The following RNGTT variants were observed in gnomAD, a reference collection of about 807,000 sequenced individuals.
The protein encoded by RNGTT is RNA guanylyltransferase and 5'-phosphatase.
Under a neutral mutation model 79.3 loss-of-function variants are expected in RNGTT, and 33 were observed. That is an observed-to-expected ratio of 0.42 (90% CI 0.32 to 0.56). RNGTT has a LOEUF of 0.56. Among genes scored for constraint, RNGTT ranks in the 20% least tolerant of loss-of-function variants. The pLI is 0.17. For missense variants in RNGTT, 497 were observed against 739.1 expected (o/e 0.67, Z 3.80); for synonymous variants, 222 against 235.9 (o/e 0.94, Z 0.54).
intron 13 of RNGTT, among the ~76,000 whole-genome samples, chr6:88,711,785 T>C (rs1030797218): frequency 1.3e-5 from 2 of 152,206 alleles, no homozygotes; most frequent in African/African-American, 4.8e-5. Flanking sequence ...CATTTGTTAG[T>C]TCACTCATTC....
In RNGTT at chr6:88,929,268, C is replaced by CAA; in HGVS notation, c.175-2_175-1insTT. On this transcript the variant is annotated splice_acceptor_variant, in intron 2 of 15. Coordinates refer to ENST00000369485, the MANE Select transcript of RNGTT (RefSeq NM_003800.5). LOFTEE classifies it high-confidence loss of function. ...GGTCCACCAACAAGCCCATTTTAAC[C>CAA]TAAAAAAAAAAAAAAATGAAAGGGC... is the stretch of plus-strand genomic sequence containing the variant. 1 of 1,539,416 alleles carries CAA rather than the reference C, an allele frequency of 6.5e-7. No homozygotes were observed. Among genetic ancestry groups the CAA allele is most frequent in the Non-Finnish European group, 8.8e-7 (1 of 1,139,780 alleles).
chr6:88,835,874 C>A (rs1781048497), intron 11 of RNGTT, among the ~76,000 whole-genome samples: 1 of 151,468 alleles, frequency 6.6e-6, no homozygotes, highest in South Asian at 2.1e-4. Context: ...GTGGTATACG[C>A]CTGCAGCTCA....
chr6:88,774,893 T>C (rs919493854), intron 12 of RNGTT, among the ~76,000 whole-genome samples: 29 of 152,284 alleles, frequency 1.9e-4, no homozygotes, highest in African/African-American at 4.8e-4. Context: ...AAATAGACAG[T>C]GGAGGTGGTT....
chr6:88,827,159 C>T (rs369065875), intron 11 of RNGTT, among the ~76,000 whole-genome samples: 59 of 151,944 alleles, frequency 3.9e-4, no homozygotes, highest in African/African-American at 1.3e-3. Flanking sequence ...ATGCAGAAGG[C>T]GGTGATTTCT....
In RNGTT at chr6:88,686,568, A is replaced by G. The variant is rs1775285768; in HGVS notation, c.1440-8149T>C. ...CAATAATGAAAATGTGATTGACGTA[A>G]GGACAAACAAGTACGTCAGTAGAAT... On this transcript the variant is annotated intron_variant, in intron 13 of 15. Coordinates refer to ENST00000369485, the MANE Select transcript of RNGTT (RefSeq NM_003800.5). Among the ~76,000 whole-genome samples, 3 of 152,130 alleles carry G rather than the reference A, an allele frequency of 2.0e-5. No homozygotes were observed. The South Asian group carries it at 6.2e-4, about 31-fold the overall frequency.
intron 2 of RNGTT, among the ~76,000 whole-genome samples, chr6:88,929,986 A>G (rs1186421541): frequency 2.1e-5 from 3 of 145,280 alleles, no homozygotes; most frequent in Non-Finnish European, 4.6e-5. Flanking sequence ...ATATGTGCAT[A>G]TACATGTATA....
intron 1 of RNGTT, among the ~76,000 whole-genome samples, chr6:88,948,492 G>T (rs1785108807): frequency 6.9e-6 from 1 of 144,470 alleles, no homozygotes; most frequent in Non-Finnish European, 1.5e-5. Context: ...GGAGGTGGGG[G>T]GGTCAGCCCC....
rs78100506 is a variant in RNGTT, at chr6:88,797,439, G to A, written c.1338+4125C>T. Among the ~76,000 whole-genome samples the A allele has an allele frequency of 4.5e-3, 678 of 152,158 alleles. 2 individuals are homozygous for A. Among genetic ancestry groups the A allele is most frequent in the African/African-American group, 0.015 (641 of 41,540 alleles). On this transcript the variant is annotated intron_variant, in intron 12 of 15. Coordinates refer to ENST00000369485, the MANE Select transcript of RNGTT (RefSeq NM_003800.5). ...GTAGGGAAATCTATCAGAGAAGAAA[G>A]GTAAAAGGGATTTCCTGGATGAAAT...
intron 14 of RNGTT, among the ~76,000 whole-genome samples, chr6:88,639,738 CTGAA>C (rs923969164): frequency 2.6e-5 from 4 of 152,086 alleles, no homozygotes; most frequent in Non-Finnish European, 5.9e-5. Context: ...ATTTGAAAAC[CTGAA>C]TGAATGATTA....
chr6:88,746,691 C>G (rs1463890299), intron 13 of RNGTT, among the ~76,000 whole-genome samples: 1 of 152,214 alleles, frequency 6.6e-6, no homozygotes, highest in African/African-American at 2.4e-5. Flanking sequence ...TTAATGCTTG[C>G]TCCTCCGCCA....
At chr6:88,732,568 T>C (rs184011208) in intron 13 of RNGTT, among the ~76,000 whole-genome samples, 4 of 152,334 alleles carry the variant, frequency 2.6e-5, no homozygotes, top group South Asian at 4.1e-4. Flanking sequence ...ATGCTCATAA[T>C]AGCATTATTC....
chr6:88,756,777 T>C (rs1036307521), intron 13 of RNGTT, among the ~76,000 whole-genome samples: 1 of 152,074 alleles, frequency 6.6e-6, no homozygotes, highest in Non-Finnish European at 1.5e-5. Context: ...TCAGGAAAAC[T>C]CAAAAAACAT....
In RNGTT at chr6:88,611,481, T is replaced by C. The variant is rs1437064083; in HGVS notation, c.*1238A>G. The stretch of plus-strand genomic sequence containing the variant: ...CATTTAGCTAATTCTCAGAGTTCTT[T>C]CACAAACCAATTAGAACAGTTTATC... On this transcript the variant is annotated 3_prime_UTR_variant, in exon 16 of 16. Transcript: ENST00000369485. 4 of 152,582 alleles carry C rather than the reference T, an allele frequency of 2.6e-5. No individual in the cohort carries two copies. The highest frequency in any genetic ancestry group is 6.5e-5 in the Admixed American group (1 of 15,284). The allele number at this position is 152,582 out of a possible 1,614,324, so 9.5% of individuals were successfully genotyped here. A position where few individuals can be genotyped will look rare whatever the true frequency, so the allele number is the denominator to read the frequency against.
intron 11 of RNGTT, among the ~76,000 whole-genome samples, chr6:88,814,821 T>C (rs1236601085): frequency 6.6e-6 from 1 of 152,172 alleles, no homozygotes; most frequent in Non-Finnish European, 1.5e-5. Flanking sequence ...ATAGTTCTAA[T>C]TTGAACATTA....
chr6:88,883,504 G>T (rs1409445046), intron 8 of RNGTT, among the ~76,000 whole-genome samples: 1 of 152,148 alleles, frequency 6.6e-6, no homozygotes, highest in East Asian at 1.9e-4. Context: ...CTTCCAAGTG[G>T]ATCAGCATGA....
chr6:88,666,926 G>A (rs1195203175), intron 14 of RNGTT, among the ~76,000 whole-genome samples: 1 of 152,140 alleles, frequency 6.6e-6, no homozygotes, highest in East Asian at 1.9e-4. Context: ...CCAAGTGCAT[G>A]GGGCATTATA....
At chr6:88,879,080 G>A (rs1452562074) in intron 8 of RNGTT, among the ~76,000 whole-genome samples, 1 of 152,072 alleles carries the variant, frequency 6.6e-6, no homozygotes, top group Non-Finnish European at 1.5e-5. Context: ...TAACCACCTG[G>A]GGTAACTGCA....
rs1419760678 is a variant in RNGTT, at chr6:88,694,028, T to C, written c.1440-15609A>G. Among the ~76,000 whole-genome samples, 4 of 152,284 alleles carry C rather than the reference T, an allele frequency of 2.6e-5. No homozygotes were observed. In the East Asian group the frequency reaches 7.7e-4, roughly 29 times the overall value. On this transcript the variant is annotated intron_variant, in intron 13 of 15. Coordinates refer to ENST00000369485, the MANE Select transcript of RNGTT (RefSeq NM_003800.5). ...AATAAAAAGTTGAAACCTTCTCTTC[T>C]AAGATCAGGAACAAAGCAAAGACCA...
chr6:88,859,141 G>C (rs1157610501), intron 8 of RNGTT, among the ~76,000 whole-genome samples: 2 of 151,764 alleles, frequency 1.3e-5, no homozygotes, highest in Admixed American at 6.6e-5. Context: ...ACCGGCATAA[G>C]TCACCGTACT....
Sources: allele counts gnomAD v4.1 joint callset (sites outside exome capture counted in the v4.1 genomes callset), GRCh38; gene constraint gnomAD v4.1.1; transcripts MANE v1.5; gene names NCBI Gene and HGNC (gene_info 2026-07-23, HGNC 2026-07-21).